TC2N: variants seen among roughly 807,000 people sequenced by gnomAD.
The protein encoded by TC2N is tandem C2 domains nuclear protein.
Under a neutral mutation model 61.9 loss-of-function variants are expected in TC2N, and 51 were observed. That is an observed-to-expected ratio of 0.82 (90% confidence interval 0.66 to 1.04). The LOEUF (loss-of-function observed/expected upper bound fraction) is 1.04. Ranked by LOEUF, TC2N falls within the 50% of genes least tolerant of loss-of-function variation. The probability of loss-of-function intolerance (pLI) is 0.00; values close to 1 mark genes in which losing one functional copy is unlikely to be tolerated. For synonymous variants in TC2N, 204 were observed against 192.6 expected (o/e 1.06, Z -0.49); for missense variants, 556 against 566.7 (o/e 0.98, Z 0.19).
At position 91,837,122 on chromosome 14, in the gene TC2N, C is replaced by A. The variant is rs890535572; in HGVS notation, c.-56-23297G>T. On this transcript the variant is annotated intron_variant, in intron 1 of 11. Coordinates refer to ENST00000435962, the MANE Select transcript of TC2N (RefSeq NM_001128596.3). This position sits in a 1 kb window ranked among gnomAD's most constrained non-coding sequence, Gnocchi z 4.2. ...GGGATCCCCTCTAACCCTGGTAAAG[C>A]GGGGGGCCTGGCCCTTTTCTCTGGG... Among the ~76,000 whole-genome samples the A allele has an allele frequency of 6.6e-6, 1 of 152,198 alleles. No individual in the cohort carries two copies. The highest frequency in any genetic ancestry group is 1.5e-5 in the Non-Finnish European group (1 of 68,028).
At chr14:91,861,735 C>T (rs938054838) in intron 1 of TC2N, among the ~76,000 whole-genome samples, 1 of 151,992 alleles carries the variant, frequency 6.6e-6, no homozygotes, top group African/African-American at 2.4e-5. Context: ...CCAGACTGGC[C>T]AACATGGTGA....
In TC2N at chr14:91,850,960, T is replaced by C. The variant is rs1299443116; in HGVS notation, c.-57+16302A>G. 1.8e-4 allele frequency among the ~76,000 whole-genome samples: 28 copies of C among 152,116 alleles called. 1 individual carries two copies. Among genetic ancestry groups the C allele is most frequent in the Admixed American group, 1.7e-3 (26 of 15,262 alleles). ...AAAAAAGAAAAAAATATCTAATGCCTGATGAGCTATCACTGTCTCTCACCA... is the reference window on the plus strand; with the variant it reads ...AAAAAAGAAAAAAATATCTAATGCCCGATGAGCTATCACTGTCTCTCACCA... On this transcript the variant is annotated intron_variant, in intron 1 of 11. Transcript: ENST00000435962.
intron 1 of TC2N, among the ~76,000 whole-genome samples, chr14:91,824,397 G>A (rs1887399763): frequency 6.6e-6 from 1 of 152,110 alleles, no homozygotes; most frequent in African/African-American, 2.4e-5. Context: ...GCCTGTCTAT[G>A]GTATTCTCAC....
At chr14:91,800,801 C>T (rs1595233175) in intron 4 of TC2N, among the ~76,000 whole-genome samples, 1 of 151,948 alleles carries the variant, frequency 6.6e-6, no homozygotes, top group Admixed American at 6.6e-5. Flanking sequence ...AGTTTCCCTC[C>T]TACACTGTAA....
intron 1 of TC2N, among the ~76,000 whole-genome samples, chr14:91,846,416 A>T (rs2139914332): frequency 6.6e-6 from 1 of 152,274 alleles, no homozygotes. Flanking sequence ...GACCATCAAA[A>T]CTAGAGAGAG....
At chr14:91,793,902 GA>G (rs2139833484) in intron 8 of TC2N, among the ~76,000 whole-genome samples, 1 of 152,310 alleles carries the variant, frequency 6.6e-6, no homozygotes, top group East Asian at 1.9e-4. Flanking sequence ...AAGCTATGCT[GA>G]AAGCCGAGAC....
intron 1 of TC2N, among the ~76,000 whole-genome samples, chr14:91,862,108 C>T (rs1361916611): frequency 4.0e-5 from 6 of 151,558 alleles, no homozygotes; most frequent in Admixed American, 3.3e-4. Flanking sequence ...GAGGCTGAGG[C>T]GGGCAGATCA....
rs1217801191 is a variant in TC2N, at chr14:91,783,086, A to T, written c.*14T>A. ...AGAATGTCAAGTTCTTCACCAAATT[A>T]ATGTGTGAAGTCTTCAAGATGGATT... On this transcript the variant is annotated 3_prime_UTR_variant, in exon 12 of 12. Transcript: ENST00000435962. 1.4e-6 allele frequency: 2 copies of T among 1,469,814 alleles called. No individual in the cohort carries two copies. Among genetic ancestry groups the T allele is most frequent in the East Asian group, 2.3e-5 (1 of 43,970 alleles). 91.0% of individuals were successfully genotyped at this position (1,469,814 alleles called of 1,614,324 possible).
chr14:91,811,818 A>C (rs1284391231), intron 3 of TC2N, among the ~76,000 whole-genome samples: 1 of 152,018 alleles, frequency 6.6e-6, no homozygotes, highest in African/African-American at 2.4e-5. Context: ...CCCTTATATA[A>C]ATGGTGTAGT....
chr14:91,798,201 G>T, intron 7 of TC2N, 98 bp downstream of exon 7: 2 of 630,114 alleles, frequency 3.2e-6, no homozygotes, highest in Non-Finnish European at 5.5e-6. Context: ...GTCAAAGGTG[G>T]CATTGGCCCA....
chr14:91,846,397 C>A (rs367931626), intron 1 of TC2N, among the ~76,000 whole-genome samples: 2 of 152,032 alleles, frequency 1.3e-5, no homozygotes, highest in African/African-American at 4.8e-5. Context: ...CTTCCCTTGT[C>A]CACCGAAAGA....
chr14:91,783,688 A>G (rs1218762901), intron 11 of TC2N, among the ~76,000 whole-genome samples: 1 of 152,156 alleles, frequency 6.6e-6, no homozygotes, highest in Non-Finnish European at 1.5e-5. Flanking sequence ...TTCTTGATCA[A>G]TAGTAATTTC....
At chr14:91,841,209 AG>A (rs1442704953) in intron 1 of TC2N, among the ~76,000 whole-genome samples, 1 of 152,232 alleles carries the variant, frequency 6.6e-6, no homozygotes, top group Non-Finnish European at 1.5e-5. Flanking sequence ...GAAACTGCTC[AG>A]GATTCAAGAA....
At chr14:91,851,231 A>G (rs1888369037) in intron 1 of TC2N, among the ~76,000 whole-genome samples, 1 of 152,202 alleles carries the variant, frequency 6.6e-6, no homozygotes, top group South Asian at 2.1e-4. Context: ...GTTCTGAAGG[A>G]CTATTTAAAT....
At chr14:91,814,095 G>A (rs868618542) in intron 1 of TC2N, among the ~76,000 whole-genome samples, 1 of 150,810 alleles carries the variant, frequency 6.6e-6, no homozygotes, top group African/African-American at 2.4e-5. Flanking sequence ...TTTCTTTCAC[G>A]AAAAATAAGA....
chr14:91,789,935 G>A (rs189507724), intron 9 of TC2N, among the ~76,000 whole-genome samples: 2 of 152,242 alleles, frequency 1.3e-5, no homozygotes, highest in African/African-American at 2.4e-5. Context: ...AGAACATCAC[G>A]ATCTGGTGAT....
chr14:91,809,118 A>T (rs1886654215), intron 3 of TC2N, among the ~76,000 whole-genome samples: 1 of 152,220 alleles, frequency 6.6e-6, no homozygotes, highest in South Asian at 2.1e-4. Flanking sequence ...TTCTCTAAAA[A>T]ATTAAAATTG....
At chr14:91,789,850 G>A (rs1359912308) in intron 9 of TC2N, among the ~76,000 whole-genome samples, 1 of 152,160 alleles carries the variant, frequency 6.6e-6, no homozygotes, top group African/African-American at 2.4e-5. Flanking sequence ...CCTGAATAAT[G>A]TATCCTTTTA....
intron 11 of TC2N, among the ~76,000 whole-genome samples, chr14:91,783,911 T>C (rs1437054474): frequency 1.3e-5 from 2 of 152,158 alleles, no homozygotes; most frequent in African/African-American, 2.4e-5. Flanking sequence ...GAGCAGGTCA[T>C]TGGTTTCAAC....
Sources: allele counts gnomAD v4.1 joint callset (sites outside exome capture counted in the v4.1 genomes callset), GRCh38; gene constraint gnomAD v4.1.1; non-coding constraint Gnocchi (gnomAD v3.1); transcripts MANE v1.5; gene names NCBI Gene and HGNC (gene_info 2026-07-23, HGNC 2026-07-21).